The following SLC24A2 variants were observed in gnomAD, a reference collection of about 807,000 sequenced individuals.
SLC24A2 encodes the protein sodium/potassium/calcium exchanger 2.
In SLC24A2, 36 loss-of-function variants were observed where a neutral mutation model predicts 62.0. That is an observed-to-expected ratio of 0.58 (90% CI 0.44 to 0.77). The LOEUF (loss-of-function observed/expected upper bound fraction) is 0.77, where lower values mean the gene tolerates loss of function less well. Ranked by LOEUF, SLC24A2 falls within the 30% of genes least tolerant of loss-of-function variation. The probability of loss-of-function intolerance (pLI) is 0.00; values close to 1 mark genes in which losing one functional copy is unlikely to be tolerated. For synonymous variants in SLC24A2, 358 were observed against 294.0 expected (o/e 1.22, Z -2.23); for missense variants, 846 against 817.9 (o/e 1.03, Z -0.42).
At chr9:19,626,541 G>A (rs796420279) in intron 2 of SLC24A2, among the ~76,000 whole-genome samples, 2 of 152,078 alleles carry the variant, frequency 1.3e-5, no homozygotes, top group African/African-American at 4.8e-5. Context: ...TGCAAAATGG[G>A]CCTAAAATGC....
chr9:19,780,872 C>CAAAAA (rs373405657), intron 2 of SLC24A2, among the ~76,000 whole-genome samples: 2 of 36,182 alleles, frequency 5.5e-5, no homozygotes, highest in Admixed American at 2.7e-4. Context: ...GACTCCGTCT[C>CAAAAA]AAAAAAAAAA....
At chr9:20,278,885 C>A in the SLC24A2 span, among the ~76,000 whole-genome samples, 2 of 152,278 alleles carry the variant, frequency 1.3e-5, no homozygotes, top group East Asian at 3.9e-4. Flanking sequence ...TAAAGACATA[C>A]CCTAGACTGG....
chr9:20,259,473 T>C, the SLC24A2 span, among the ~76,000 whole-genome samples: 1 of 152,186 alleles, frequency 6.6e-6, no homozygotes, highest in African/African-American at 2.4e-5. Flanking sequence ...AATATATTTA[T>C]CACACTCGCC....
At chr9:19,871,480 A>G in the SLC24A2 span, among the ~76,000 whole-genome samples, 7 of 152,120 alleles carry the variant, frequency 4.6e-5, no homozygotes, top group African/African-American at 7.2e-5. Context: ...AATTCACTGT[A>G]TCTTTCTGCT....
At chr9:20,300,246 T>A in the SLC24A2 span, among the ~76,000 whole-genome samples, 1 of 152,214 alleles carries the variant, frequency 6.6e-6, no homozygotes, top group Admixed American at 6.5e-5. Context: ...CTTGAGCATT[T>A]ATCCTTTGTG....
chr9:19,736,474 A>T (rs1278782321), intron 2 of SLC24A2, among the ~76,000 whole-genome samples: 1 of 152,188 alleles, frequency 6.6e-6, no homozygotes, highest in Non-Finnish European at 1.5e-5. Context: ...GATAAACATT[A>T]ACCAAAAGAA....
chr9:20,282,587 C>T, the SLC24A2 span, among the ~76,000 whole-genome samples: 1 of 152,048 alleles, frequency 6.6e-6, no homozygotes, highest in African/African-American at 2.4e-5. Context: ...AACCCCGCAC[C>T]CCCATCTTTA....
the SLC24A2 span, among the ~76,000 whole-genome samples, chr9:19,892,486 G>C: frequency 6.6e-6 from 1 of 152,132 alleles, no homozygotes; most frequent in Non-Finnish European, 1.5e-5. Flanking sequence ...CCTCACAAGT[G>C]CTCTATAAAT....
At chr9:20,073,144 T>C in the SLC24A2 span, among the ~76,000 whole-genome samples, 1 of 152,198 alleles carries the variant, frequency 6.6e-6, no homozygotes, top group African/African-American at 2.4e-5. Context: ...GGGTCTGCTG[T>C]TCAGGTCTCA....
At chr9:19,561,963 T>C (rs927727363) in intron 7 of SLC24A2, among the ~76,000 whole-genome samples, 1 of 152,178 alleles carries the variant, frequency 6.6e-6, no homozygotes, top group Non-Finnish European at 1.5e-5. Context: ...TATTTTGTTG[T>C]GAGTGATGAA....
the SLC24A2 span, among the ~76,000 whole-genome samples, chr9:20,051,003 G>A: frequency 6.6e-6 from 1 of 151,844 alleles, no homozygotes; most frequent in African/African-American, 2.4e-5. Flanking sequence ...AACATTAGAA[G>A]GTACATAGTG....
the SLC24A2 span, among the ~76,000 whole-genome samples, chr9:20,113,672 T>C: frequency 6.6e-6 from 1 of 152,188 alleles, no homozygotes; most frequent in South Asian, 2.1e-4. Flanking sequence ...CTGAACACGT[T>C]GTGAAATGCA....
chr9:20,221,669 C>T, the SLC24A2 span, among the ~76,000 whole-genome samples: 1 of 151,986 alleles, frequency 6.6e-6, no homozygotes, highest in Non-Finnish European at 1.5e-5. Context: ...ACTAGATACA[C>T]TGTAACAAAC....
chr9:20,298,270 C>T, the SLC24A2 span, among the ~76,000 whole-genome samples: 2 of 152,330 alleles, frequency 1.3e-5, no homozygotes, highest in African/African-American at 4.8e-5. Flanking sequence ...ACTCTTGCCA[C>T]CCAGGCTGGA....
chr9:19,895,171 T>C, the SLC24A2 span, among the ~76,000 whole-genome samples: 1 of 151,926 alleles, frequency 6.6e-6, no homozygotes, highest in South Asian at 2.1e-4. Context: ...TTCATCAAGC[T>C]ACAATCCCTG....
At chr9:19,754,660 T>C (rs866699631) in intron 2 of SLC24A2, among the ~76,000 whole-genome samples, 1 of 151,488 alleles carries the variant, frequency 6.6e-6, no homozygotes, top group Middle Eastern at 3.4e-3. Context: ...TTTTTTTTTT[T>C]TTAATAACCT....
chr9:20,219,875 C>T, the SLC24A2 span, among the ~76,000 whole-genome samples: 1 of 152,104 alleles, frequency 6.6e-6, no homozygotes, highest in Non-Finnish European at 1.5e-5. Flanking sequence ...AATTAGTATT[C>T]ATATTAAGAG....
the SLC24A2 span, among the ~76,000 whole-genome samples, chr9:20,012,220 C>T: frequency 6.6e-6 from 1 of 152,180 alleles, no homozygotes; most frequent in South Asian, 2.1e-4. Context: ...AAGAGGTTTA[C>T]TGGATTTACA....
At chr9:19,655,375 G>A (rs1166132156) in intron 2 of SLC24A2, among the ~76,000 whole-genome samples, 3 of 152,194 alleles carry the variant, frequency 2.0e-5, no homozygotes, top group South Asian at 2.1e-4. Context: ...AGACGTAGAC[G>A]TTGATAGGAA....
Sources: gnomAD v4.1 joint callset for allele counts (sites outside exome capture counted in the v4.1 genomes callset) on GRCh38, gnomAD v4.1.1 for gene constraint, MANE v1.5 for transcripts, NCBI Gene and HGNC (gene_info 2026-07-23, HGNC 2026-07-21) for gene names.